Variants in CD5 observed in about 807,000 individuals in gnomAD.
CD5 encodes the protein T-cell surface glycoprotein CD5.
CD5 carries 36 observed loss-of-function variants against 60.3 expected under a neutral mutation model. The observed-to-expected ratio is 0.60, with a 90% CI of 0.46 to 0.79. CD5 has a LOEUF of 0.79. Among genes scored for constraint, CD5 ranks in the 30% least tolerant of loss-of-function variants. CD5 has a pLI of 0.00. For synonymous variants in CD5, 230 were observed against 257.6 expected, an observed-to-expected ratio of 0.89 and a Z score of 1.03; for missense variants, 540 against 630.6, an observed-to-expected ratio of 0.86 and a Z score of 1.54.
intron 10 of CD5, among the ~76,000 whole-genome samples, 168 bp from the exon 11 acceptor site, chr11:61,126,120 G>T (rs577610813): frequency 3.9e-5 from 6 of 152,336 alleles, no homozygotes; most frequent in Non-Finnish European, 7.3e-5. Context: ...GCTCCGTGAT[G>T]GAGTCACACC....
chr11:61,100,221 C>A (rs1427334800), upstream of CD5, among the ~76,000 whole-genome samples: 14 of 142,400 alleles, frequency 9.8e-5, no homozygotes, highest in Middle Eastern at 4.6e-3. Flanking sequence ...GGAGATCACA[C>A]ACACACAACA....
In CD5 at chr11:61,125,764, T is replaced by C; in HGVS notation, c.1413T>C (p.Ala471=). ...TTCTTTCCCCAGCTCTGGAAGGGGC[T>C]CTGCATCGCTCCTCCATGCAGCCTG... is the stretch of plus-strand genomic sequence containing the variant. ...HLSAYPALEG[A]LHRSSMQPDN... The change falls in exon 10 of 11, where the codon GCT becomes GCC. Residue 471 remains alanine (A), a synonymous_variant. Coordinates refer to ENST00000347785, the MANE Select transcript of CD5 (RefSeq NM_014207.4). The C allele has an allele frequency of 6.2e-7, 1 of 1,611,068 alleles. No homozygotes were observed. Among genetic ancestry groups the C allele is most frequent in the South Asian group, 1.1e-5 (1 of 90,820 alleles).
In CD5 at chr11:61,118,922, G is replaced by A. The variant is rs1861006529; in HGVS notation, c.408G>A (p.Gln136=). ...HSLGLTCLEP[Q]KTTPPTTRPP... is the part of the protein sequence containing the mutation. ...CAGAGTGTCTCATTGCAGAACCCCA[G>A]AAGACAACACCTCCAACGACAAGGC... is the stretch of plus-strand genomic sequence containing the variant. Residue 136 remains glutamine (Q), a synonymous_variant, in exon 4 of 11, where the codon CAG becomes CAA. Transcript: ENST00000347785. This position sits in a 1 kb window ranked among gnomAD's most constrained non-coding sequence, Gnocchi z 4.7. The A allele has an allele frequency of 1.2e-6, 2 of 1,613,686 alleles. No homozygotes were observed. Among genetic ancestry groups the A allele is most frequent in the Non-Finnish European group, 1.7e-6 (2 of 1,179,830 alleles).
Position 61,118,501 on chromosome 11 carries a change from A to G in CD5, c.400+21A>G. 6.2e-7 allele frequency: 1 copy of G among 1,607,534 alleles called. No homozygotes were observed. Reference sequence around the variant, plus strand: ...CTTAGGTGGGTAACTAGCCAGCCACACGGGCACCCTGGGCCTGGGCGCCAG... The same window carrying G: ...CTTAGGTGGGTAACTAGCCAGCCACGCGGGCACCCTGGGCCTGGGCGCCAG... On this transcript the variant is annotated intron_variant, in intron 3 of 10. Transcript: ENST00000347785. The surrounding 1 kb of genome is among the most constrained non-coding windows in gnomAD (Gnocchi z 4.7).
At chr11:61,120,121 TAA>T (rs1295995506) in intron 5 of CD5, among the ~76,000 whole-genome samples, 1 of 151,588 alleles carries the variant, frequency 6.6e-6, no homozygotes, top group Non-Finnish European at 1.5e-5. Flanking sequence ...GCTGACAAGG[TAA>T]AGAGAATGAT....
intron 2 of CD5, among the ~76,000 whole-genome samples, chr11:61,116,792 C>T (rs1860970548): frequency 6.9e-6 from 1 of 144,888 alleles, no homozygotes; most frequent in South Asian, 2.3e-4. Context: ...ACACACACAC[C>T]ACCTGCACAC....
At position 61,125,771 on chromosome 11, in the gene CD5, C is replaced by T. The variant is rs761215531; in HGVS notation, c.1420C>T (p.Arg474Cys). 2.4e-5 allele frequency: 38 copies of T among 1,611,530 alleles called. No homozygotes were observed. The highest frequency in any genetic ancestry group is 6.6e-5 in the South Asian group (6 of 90,860). The part of the protein sequence containing the change: ...AYPALEGALH[R>C]SSMQPDNSSD... ...CCCAGCTCTGGAAGGGGCTCTGCAT[C>T]GCTCCTCCATGCAGCCTGACAACTC... Residue 474 changes from arginine (R) to cysteine (C), a missense_variant, in exon 10 of 11, where the codon CGC becomes TGC. Transcript: ENST00000347785.
chr11:61,109,469 G>T (rs1408853366), intron 1 of CD5, among the ~76,000 whole-genome samples: 1 of 152,146 alleles, frequency 6.6e-6, no homozygotes, highest in Admixed American at 6.5e-5. Flanking sequence ...TTTCAAAAAC[G>T]CCTGGATCTT....
chr11:61,102,618 G>A lies in CD5; in HGVS notation c.55+3G>A, dbSNP rs1490851302. 2 of 1,586,026 alleles carry A rather than the reference G, an allele frequency of 1.3e-6. No individual in the cohort carries two copies. The highest frequency in any genetic ancestry group is 1.7e-6 in the Non-Finnish European group (2 of 1,165,364). ...CTTGTACCTGCTGGGGATGCTGGGTGAGTACCCCTCCCAGGTGTCCTGCGA... is the reference window on the plus strand; with the variant it reads ...CTTGTACCTGCTGGGGATGCTGGGTAAGTACCCCTCCCAGGTGTCCTGCGA... On this transcript the variant is annotated splice_donor_region_variant and intron_variant, in intron 1 of 10. Transcript: ENST00000347785.
the CD5 span, among the ~76,000 whole-genome samples, chr11:61,094,949 T>A: frequency 1.3e-5 from 2 of 152,142 alleles, no homozygotes; most frequent in Non-Finnish European, 2.9e-5. Context: ...AGTTCTCACA[T>A]ATAGATTCTT....
At chr11:61,096,387 G>A in the CD5 span, among the ~76,000 whole-genome samples, 90 of 152,358 alleles carry the variant, frequency 5.9e-4, no homozygotes, top group African/African-American at 1.9e-3. Context: ...GATTACAACT[G>A]GGGGCAAGGA....
chr11:61,112,536 C>T (rs531439777), intron 1 of CD5, among the ~76,000 whole-genome samples: 48 of 151,902 alleles, frequency 3.2e-4, no homozygotes, highest in East Asian at 2.1e-3. Context: ...CCCAGCTACT[C>T]GGGAGGTTGA....
At chr11:61,115,626 C>T (rs141018772) in intron 2 of CD5, among the ~76,000 whole-genome samples, 39 of 152,324 alleles carry the variant, frequency 2.6e-4, no homozygotes, top group South Asian at 1.0e-3. Flanking sequence ...TGTACACCGG[C>T]CCAGTAAAGG....
intron 1 of CD5, among the ~76,000 whole-genome samples, chr11:61,103,492 A>G (rs1044362847): frequency 3.9e-5 from 6 of 151,972 alleles, no homozygotes; most frequent in African/African-American, 1.5e-4. Flanking sequence ...AGGGAGCCTC[A>G]GCAGCCTTCT....
intron 2 of CD5, among the ~76,000 whole-genome samples, chr11:61,116,068 G>T (rs1179644647): frequency 2.0e-5 from 3 of 152,190 alleles, no homozygotes; most frequent in Non-Finnish European, 4.4e-5. Context: ...CTGGCCCTGA[G>T]CTTTGGCCCC....
chr11:61,096,606 A>G, the CD5 span, among the ~76,000 whole-genome samples: 928 of 152,338 alleles, frequency 6.1e-3, 9 homozygotes, highest in African/African-American at 0.021. Context: ...CTTGCTGGGA[A>G]GAGACTTGCT....
chr11:61,100,685 TCAA>T (rs1860661404), upstream of CD5, among the ~76,000 whole-genome samples: 1 of 98,338 alleles, frequency 1.0e-5, no homozygotes, highest in Non-Finnish European at 2.0e-5. Flanking sequence ...TTCACACACA[TCAA>T]CATGGAGATC....
chr11:61,125,482 T>A (rs998211300), intron 9 of CD5, among the ~76,000 whole-genome samples: 7 of 152,184 alleles, frequency 4.6e-5, no homozygotes, highest in African/African-American at 1.7e-4. Context: ...GCCCCTTGGA[T>A]TCCTCCGGGC....
upstream of CD5, among the ~76,000 whole-genome samples, chr11:61,099,257 C>A (rs1860623091): frequency 6.6e-6 from 1 of 151,992 alleles, no homozygotes; most frequent in African/African-American, 2.4e-5. Context: ...ATCACACACA[C>A]ATATCGAATG....
Sources: gnomAD v4.1 joint callset for allele counts (sites outside exome capture counted in the v4.1 genomes callset) on GRCh38, gnomAD v4.1.1 for gene constraint, Gnocchi (gnomAD v3.1) non-coding constraint, MANE v1.5 for transcripts, NCBI Gene and HGNC (gene_info 2026-07-23, HGNC 2026-07-21) for gene names.